COPG2: variants seen among roughly 807,000 people sequenced by gnomAD.
The protein encoded by COPG2 is coatomer subunit gamma-2.
COPG2 carries 37 observed loss-of-function variants against 46.3 expected under a neutral mutation model. The observed-to-expected ratio is 0.80, with a 90% CI of 0.61 to 1.05. The LOEUF (loss-of-function observed/expected upper bound fraction) is 1.05, where lower values mean the gene tolerates loss of function less well. Among genes scored for constraint, COPG2 ranks in the 50% least tolerant of loss-of-function variants. The pLI, the probability that COPG2 is intolerant of heterozygous loss-of-function variation, is 0.00. For missense variants in COPG2, 427 were observed against 387.8 expected (o/e 1.10, Z -0.85); for synonymous variants, 159 against 129.7 (o/e 1.23, Z -1.53).
intron 4 of COPG2, among the ~76,000 whole-genome samples, chr7:130,660,773 G>A (rs1478332017): frequency 6.6e-6 from 1 of 152,022 alleles, no homozygotes; most frequent in Non-Finnish European, 1.5e-5. Context: ...ATCAGTAACA[G>A]CATCCCTTTC....
intron 9 of COPG2, among the ~76,000 whole-genome samples, chr7:130,600,723 G>A (rs1554450239): frequency 1.3e-5 from 2 of 152,002 alleles, no homozygotes; most frequent in Non-Finnish European, 2.9e-5. Context: ...TTTTCTAAAG[G>A]CATAAAGGTC....
At chr7:130,516,161 C>T (rs1387881008) in intron 20 of COPG2, among the ~76,000 whole-genome samples, 1 of 152,034 alleles carries the variant, frequency 6.6e-6, no homozygotes, top group Non-Finnish European at 1.5e-5. Flanking sequence ...TGCTTCCAGA[C>T]GAGAAGGCAT....
chr7:130,639,100 G>A (rs781899541), intron 5 of COPG2, among the ~76,000 whole-genome samples: 12 of 152,088 alleles, frequency 7.9e-5, no homozygotes, highest in African/African-American at 1.2e-4. Context: ...CGGGTACCTC[G>A]GTTGGAAATG....
At chr7:130,662,781 G>A (rs1313357151) in intron 4 of COPG2, among the ~76,000 whole-genome samples, 186 bp downstream of exon 4, 17 of 152,124 alleles carry the variant, frequency 1.1e-4, no homozygotes, top group African/African-American at 3.6e-4. Context: ...GCAGGGAAAA[G>A]TTTTACACTG....
chr7:130,618,249 T>C (rs1794983533), intron 5 of COPG2, among the ~76,000 whole-genome samples: 1 of 152,098 alleles, frequency 6.6e-6, no homozygotes, highest in Non-Finnish European at 1.5e-5. Flanking sequence ...ATGAACTAGA[T>C]TCTACTGCCA....
At chr7:130,513,306 A>ATATATATATATAT (rs1262964518) in intron 20 of COPG2, among the ~76,000 whole-genome samples, 6 of 49,008 alleles carry the variant, frequency 1.2e-4, no homozygotes, top group African/African-American at 4.4e-4. Context: ...AAAAAAAAAA[A>ATATATATATATAT]AAATATATAT....
intron 20 of COPG2, among the ~76,000 whole-genome samples, chr7:130,516,085 A>G (rs1340226053): frequency 6.6e-6 from 1 of 152,174 alleles, no homozygotes; most frequent in Admixed American, 6.5e-5. Flanking sequence ...CTCTGAATGA[A>G]GGAGGGATAC....
At chr7:130,619,658 GC>G (rs1289760858) in intron 5 of COPG2, among the ~76,000 whole-genome samples, 1 of 152,048 alleles carries the variant, frequency 6.6e-6, no homozygotes, top group African/African-American at 2.4e-5. Flanking sequence ...ATTTCCTGTA[GC>G]CCCTCTATTA....
At chr7:130,598,893 CTCT>C (rs1794580747) in intron 9 of COPG2, among the ~76,000 whole-genome samples, 1 of 152,172 alleles carries the variant, frequency 6.6e-6, no homozygotes, top group Non-Finnish European at 1.5e-5. Context: ...AGTAGCTATC[CTCT>C]TATTATTGGT....
intron 9 of COPG2, among the ~76,000 whole-genome samples, chr7:130,596,861 C>T (rs1348138152): frequency 1.3e-5 from 2 of 152,164 alleles, no homozygotes; most frequent in African/African-American, 2.4e-5. Flanking sequence ...CAGGTCGTGC[C>T]GAGGACAAGT....
chr7:130,657,077 T>C (rs1189268293), intron 4 of COPG2, among the ~76,000 whole-genome samples: 4 of 151,336 alleles, frequency 2.6e-5, no homozygotes, highest in African/African-American at 7.3e-5. Flanking sequence ...TTTTGAAAAA[T>C]AGAAAGATTT....
chr7:130,593,105 T>C (rs782199652), intron 9 of COPG2, among the ~76,000 whole-genome samples: 9 of 152,256 alleles, frequency 5.9e-5, no homozygotes, highest in Non-Finnish European at 1.2e-4. Context: ...TACTTGGCCA[T>C]TTGCGCTTAA....
At chr7:130,567,100 C>T (rs989503653) in intron 9 of COPG2, among the ~76,000 whole-genome samples, 1 of 152,152 alleles carries the variant, frequency 6.6e-6, no homozygotes, top group African/African-American at 2.4e-5. Flanking sequence ...GCAGCAACAT[C>T]GATAGAGCTG....
intron 20 of COPG2, among the ~76,000 whole-genome samples, chr7:130,538,064 G>A (rs1799899220): frequency 6.6e-6 from 1 of 152,160 alleles, no homozygotes; most frequent in South Asian, 2.1e-4. Context: ...TGAGGACATG[G>A]AAGCTGGCAG....
chr7:130,583,279 T>C (rs1274740862), intron 9 of COPG2, among the ~76,000 whole-genome samples: 51 of 139,910 alleles, frequency 3.6e-4, no homozygotes, highest in Non-Finnish European at 6.0e-5. Flanking sequence ...TTCTCACTCA[T>C]AGGTGGGAAT....
intron 9 of COPG2, among the ~76,000 whole-genome samples, chr7:130,585,612 C>T (rs1384491178): frequency 1.3e-5 from 2 of 151,862 alleles, no homozygotes; most frequent in Non-Finnish European, 2.9e-5. Context: ...CAAACTCTAA[C>T]AAATCAGTAA....
At chr7:130,584,375 A>G (rs538820345) in intron 9 of COPG2, among the ~76,000 whole-genome samples, 1 of 152,166 alleles carries the variant, frequency 6.6e-6, no homozygotes, top group African/African-American at 2.4e-5. Context: ...GGAAAAGTTG[A>G]AAGCATTCCC....
chr7:130,589,705 C>T (rs138265226), intron 9 of COPG2, among the ~76,000 whole-genome samples: 118,770 of 152,144 alleles, frequency 0.78, 46,759 homozygotes, highest in Non-Finnish European at 0.85. Flanking sequence ...CTACAAAACA[C>T]TTTAAATTTG....
intron 14 of COPG2, 39 bp from the exon 15 acceptor site, chr7:130,552,469 T>C (rs1793547482): frequency 7.5e-6 from 3 of 398,102 alleles, no homozygotes; most frequent in South Asian, 2.5e-4. Context: ...TAAATATTGG[T>C]TTCTCAGAGT....
Sources: gnomAD v4.1 joint callset for allele counts (sites outside exome capture counted in the v4.1 genomes callset) on GRCh38, gnomAD v4.1.1 for gene constraint, MANE v1.5 for transcripts, NCBI Gene and HGNC (gene_info 2026-07-23, HGNC 2026-07-21) for gene names.